SYCP2: variants seen among roughly 807,000 people sequenced by gnomAD.
SYCP2 encodes the protein synaptonemal complex protein 2, also known as synaptonemal complex lateral element protein.
SYCP2 carries 55 observed loss-of-function variants against 211.3 expected under a neutral mutation model. The ratio of observed to expected loss-of-function variants is 0.26; its 90% CI spans 0.21 to 0.33. SYCP2 has a LOEUF of 0.33. Ranked by LOEUF, SYCP2 falls within the 10% of genes least tolerant of loss-of-function variation. The pLI, the probability that SYCP2 is intolerant of heterozygous loss-of-function variation, is 1.00. For synonymous variants in SYCP2, 570 were observed against 555.2 expected (o/e 1.03, Z -0.37); for missense variants, 1,731 against 1,752.0 (o/e 0.99, Z 0.21).
chr20:59,880,212 C>CT, intron 31 of SYCP2, 91 bp downstream of exon 31: 1 of 1,050,356 alleles, frequency 9.5e-7, no homozygotes, highest in Non-Finnish European at 1.4e-6. Flanking sequence ...AATGAACAGT[C>CT]TAAATACAAT....
At position 59,868,580 on chromosome 20, in the gene SYCP2, T is replaced by A. The variant is rs769395576; in HGVS notation, c.3833-12A>T. On this transcript the variant is annotated splice_polypyrimidine_tract_variant and intron_variant, in intron 37 of 44. Transcript: ENST00000357552. ...ATGTTGGGTGGGGCCTTAGGAACAG[T>A]TAAAGAAAGTTAAAAGCGCTGCAAT... 5 of 1,565,038 alleles carry A rather than the reference T, an allele frequency of 3.2e-6. No individual in the cohort carries two copies. The highest frequency in any genetic ancestry group is 4.3e-6 in the Non-Finnish European group (5 of 1,165,228).
chr20:59,893,154 CT>C lies in SYCP2; in HGVS notation c.1780del (p.Arg594GlufsTer10). 1 of 1,602,412 alleles carries C rather than the reference CT, an allele frequency of 6.2e-7. No individual in the cohort carries two copies. Among genetic ancestry groups the C allele is most frequent in the Non-Finnish European group, 8.5e-7 (1 of 1,172,958 alleles). On this transcript the variant is annotated frameshift_variant, in exon 22 of 45. Transcript: ENST00000357552. LOFTEE classifies it high-confidence loss of function. ...VIPDSQAAEK[R>X]DHTILPGVLD... ...TTCTCATACTTACATAGTATGATCTCTTTTTTCCGCTGCCTGTGAATCTGGT... is the reference window on the plus strand; with the variant it reads ...TTCTCATACTTACATAGTATGATCTCTTTTTCCGCTGCCTGTGAATCTGGT...
chr20:59,914,229 A>G lies in SYCP2; in HGVS notation c.657T>C (p.Ile219=). 11 of 1,589,120 alleles carry G rather than the reference A, an allele frequency of 6.9e-6. No individual in the cohort carries two copies. The highest frequency in any genetic ancestry group is 8.6e-6 in the Non-Finnish European group (10 of 1,163,970). ...TGGTCATTCTACACAAAGCTTCTAC[A>G]ATGCCTACCTGTAAGTCATAATCTA... ...DAGDYDLQVG[I]VEALCRMTTE... is the part of the protein sequence containing the mutation. The change falls in exon 11 of 45, where the codon ATT becomes ATC. Residue 219 remains isoleucine, a synonymous_variant. Coordinates refer to ENST00000357552, the MANE Select transcript of SYCP2 (RefSeq NM_014258.4).
At position 59,915,217 on chromosome 20, in the gene SYCP2, A is replaced by G; in HGVS notation, c.600-18T>C. Reference sequence around the variant, plus strand: ...TACTACTCCTGTGAATTAAAATAACAGATTACAAAATAGACCAGTATCAAT... The same window carrying G: ...TACTACTCCTGTGAATTAAAATAACGGATTACAAAATAGACCAGTATCAAT... On this transcript the variant is annotated intron_variant, in intron 9 of 44. Coordinates refer to ENST00000357552, the MANE Select transcript of SYCP2 (RefSeq NM_014258.4). 1 of 1,549,908 alleles carries G rather than the reference A, an allele frequency of 6.5e-7. No homozygotes were observed. Among genetic ancestry groups the G allele is most frequent in the Non-Finnish European group, 8.9e-7 (1 of 1,124,476 alleles).
intron 2 of SYCP2, among the ~76,000 whole-genome samples, chr20:59,923,845 C>A (rs1302220517): frequency 1.3e-5 from 2 of 151,522 alleles, no homozygotes; most frequent in African/African-American, 4.9e-5. Context: ...GAGAGAGAAA[C>A]AGAAAGAGAC....
chr20:59,895,706 A>G (rs2059995382), intron 19 of SYCP2, 109 bp from the exon 20 acceptor site: 23 of 1,295,490 alleles, frequency 1.8e-5, no homozygotes, highest in South Asian at 4.0e-5. Flanking sequence ...GATGGTTCCC[A>G]GGTTTCTGGC....
intron 2 of SYCP2, among the ~76,000 whole-genome samples, chr20:59,930,107 T>C (rs1471023442): frequency 6.6e-6 from 1 of 152,168 alleles, no homozygotes; most frequent in Non-Finnish European, 1.5e-5. Context: ...GACTCAGCCC[T>C]ACCCCCAGAA....
At position 59,865,795 on chromosome 20, in the gene SYCP2, T is replaced by C. The variant is rs573683363; in HGVS notation, c.4379+12A>G. 5.2e-6 allele frequency: 7 copies of C among 1,355,472 alleles called. No homozygotes were observed. In the African/African-American group the frequency reaches 9.1e-5, roughly 18 times the overall value. 84.0% of individuals were successfully genotyped at this position (1,355,472 alleles called of 1,614,324 possible). ...TTTTATAGATTATAGCCATTAAGAATGTCATACTAACCTCTGTTGTTCGCT... is the reference window on the plus strand; with the variant it reads ...TTTTATAGATTATAGCCATTAAGAACGTCATACTAACCTCTGTTGTTCGCT... On this transcript the variant is annotated intron_variant, in intron 42 of 44. Transcript: ENST00000357552.
chr20:59,915,665 A>G (rs2060425645), intron 8 of SYCP2, 115 bp from the exon 9 acceptor site: 2 of 685,052 alleles, frequency 2.9e-6, no homozygotes, highest in South Asian at 3.5e-5. Context: ...ACTGAGTTTT[A>G]TTATGGGAAT....
intron 33 of SYCP2, among the ~76,000 whole-genome samples, chr20:59,875,906 A>G (rs1036189141): frequency 3.9e-5 from 6 of 152,090 alleles, no homozygotes; most frequent in African/African-American, 1.4e-4. Flanking sequence ...CTATCTGACC[A>G]TTTCACAGTT....
intron 33 of SYCP2, among the ~76,000 whole-genome samples, chr20:59,877,179 A>T (rs1490978173): frequency 1.3e-5 from 2 of 152,148 alleles, no homozygotes; most frequent in Non-Finnish European, 2.9e-5. Context: ...AGATTCAGAC[A>T]TCTGTTTTGT....
chr20:59,899,453 G>C (rs2060073169), intron 18 of SYCP2, among the ~76,000 whole-genome samples: 1 of 152,134 alleles, frequency 6.6e-6, no homozygotes, highest in African/African-American at 2.4e-5. Flanking sequence ...CATTTTAAGA[G>C]CTCACATTAT....
chr20:59,928,599 A>G (rs2060676539), intron 2 of SYCP2, among the ~76,000 whole-genome samples: 1 of 152,198 alleles, frequency 6.6e-6, no homozygotes. Context: ...AAATAACTAT[A>G]AACAGTGAAG....
chr20:59,900,080 A>G (rs771545992), intron 18 of SYCP2, 58 bp downstream of exon 18: 21 of 1,540,000 alleles, frequency 1.4e-5, no homozygotes, highest in African/African-American at 4.1e-5. Context: ...GTACTCATAT[A>G]TAACAGTGAT....
intron 4 of SYCP2, 91 bp downstream of exon 4, chr20:59,921,219 C>A: frequency 9.3e-7 from 1 of 1,079,170 alleles, no homozygotes; most frequent in South Asian, 1.7e-5. Flanking sequence ...TTGCCCAAGC[C>A]TATTCATTTT....
intron 24 of SYCP2, among the ~76,000 whole-genome samples, chr20:59,889,586 T>TGG (rs1415040692): frequency 1.7e-4 from 26 of 152,020 alleles, no homozygotes; most frequent in Non-Finnish European, 3.7e-4. Flanking sequence ...AAACACAAAA[T>TGG]TTACTATTTT....
At chr20:59,896,363 G>A (rs2060007060) in intron 19 of SYCP2, 66 bp downstream of exon 19, 1 of 836,432 alleles carries the variant, frequency 1.2e-6, no homozygotes. Flanking sequence ...GTTCAGAATT[G>A]CCTTAAATTA....
Position 59,875,306 on chromosome 20 carries a change from A to G in SYCP2, c.3314T>C (p.Leu1105Ser), listed in dbSNP as rs1380257802. ...TTCTATAGATGATGGACTGCCAGAT[A>G]AAGATCTGGGAGATAAGTCAAGGCA... Reference protein sequence around the residue: ...DNCLDLSPRSLSGSPSSIEVT... With the variant: ...DNCLDLSPRSSSGSPSSIEVT... Residue 1105 changes from leucine (L) to serine (S), a missense_variant, in exon 34 of 45, where the codon TTA becomes TCA. Coordinates refer to ENST00000357552, the MANE Select transcript of SYCP2 (RefSeq NM_014258.4). The G allele has an allele frequency of 6.2e-7, 1 of 1,610,508 alleles. No homozygotes were observed. The highest frequency in any genetic ancestry group is 2.2e-5 in the East Asian group (1 of 44,666).
intron 24 of SYCP2, 66 bp downstream of exon 24, chr20:59,891,924 T>G: frequency 7.3e-7 from 1 of 1,361,458 alleles, no homozygotes; most frequent in East Asian, 2.3e-5. Context: ...CAAGTTTCTT[T>G]CTTTCTTATG....
Sources: gnomAD v4.1 joint callset for allele counts (sites outside exome capture counted in the v4.1 genomes callset) on GRCh38, gnomAD v4.1.1 for gene constraint, MANE v1.5 for transcripts, NCBI Gene and HGNC (gene_info 2026-07-23, HGNC 2026-07-21) for gene names.